PGM5: variants seen among roughly 807,000 people sequenced by gnomAD.
PGM5 encodes phosphoglucomutase 5.
Under a neutral mutation model 59.2 loss-of-function variants are expected in PGM5, and 23 were observed. The ratio of observed to expected loss-of-function variants is 0.39; its 90% confidence interval spans 0.28 to 0.55. PGM5 has a LOEUF of 0.55. Ranked by LOEUF, PGM5 falls within the 20% of genes least tolerant of loss-of-function variation. The pLI is 0.66. For synonymous variants in PGM5, 214 were observed against 286.0 expected (o/e 0.75, Z 2.54); for missense variants, 574 against 748.3 (o/e 0.77, Z 2.72).
intron 1 of PGM5, among the ~76,000 whole-genome samples, chr9:68,373,922 A>G (rs1821806988): frequency 6.6e-6 from 1 of 152,154 alleles, no homozygotes; most frequent in Non-Finnish European, 1.5e-5. Context: ...TAGAGATGAT[A>G]TGTTTGTTTT....
At chr9:68,523,619 A>G (rs1236586701) in intron 10 of PGM5, among the ~76,000 whole-genome samples, 1 of 152,212 alleles carries the variant, frequency 6.6e-6, no homozygotes, top group African/African-American at 2.4e-5. Flanking sequence ...ATAAATCTCT[A>G]TTTTATGGAT....
At chr9:68,436,296 C>G (rs1428151616) in intron 6 of PGM5, among the ~76,000 whole-genome samples, 2 of 152,100 alleles carry the variant, frequency 1.3e-5, no homozygotes, top group Non-Finnish European at 2.9e-5. Flanking sequence ...TTTAATAATC[C>G]TGAACCTAGT....
chr9:68,510,693 T>G (rs186107454), intron 10 of PGM5, among the ~76,000 whole-genome samples: 2 of 152,344 alleles, frequency 1.3e-5, no homozygotes, highest in Admixed American at 1.3e-4. Flanking sequence ...GGTCATGGCC[T>G]GTGACACAGC....
intron 6 of PGM5, among the ~76,000 whole-genome samples, chr9:68,445,193 T>A (rs1233854732): frequency 2.0e-5 from 3 of 152,000 alleles, no homozygotes; most frequent in African/African-American, 7.3e-5. Context: ...AAGAATCTTA[T>A]CAGGATTAGA....
chr9:68,383,330 TTTTA>T (rs1275537237), intron 2 of PGM5, among the ~76,000 whole-genome samples: 2 of 152,122 alleles, frequency 1.3e-5, no homozygotes, highest in Non-Finnish European at 2.9e-5. Context: ...TCACATTGTG[TTTTA>T]TTTAAACTAC....
At chr9:68,414,445 T>C (rs1822987005) in intron 6 of PGM5, among the ~76,000 whole-genome samples, 1 of 152,144 alleles carries the variant, frequency 6.6e-6, no homozygotes, top group Admixed American at 6.5e-5. Context: ...CTTTGTCATT[T>C]CATCTTCCTG....
At chr9:68,390,017 C>T (rs1368381688) in intron 4 of PGM5, among the ~76,000 whole-genome samples, 2 of 151,952 alleles carry the variant, frequency 1.3e-5, no homozygotes, top group African/African-American at 4.8e-5. Flanking sequence ...TTGTTTCCTC[C>T]AGGTTTCTCT....
At chr9:68,516,790 G>T (rs1224495687) in intron 10 of PGM5, among the ~76,000 whole-genome samples, 1 of 152,196 alleles carries the variant, frequency 6.6e-6, no homozygotes, top group African/African-American at 2.4e-5. Context: ...CAGCTCTAGT[G>T]TGCTCCTAGG....
At chr9:68,462,825 T>C (rs911565492) in intron 6 of PGM5, among the ~76,000 whole-genome samples, 1 of 152,152 alleles carries the variant, frequency 6.6e-6, no homozygotes, top group Non-Finnish European at 1.5e-5. Context: ...GTGTGACTTA[T>C]TCTCTCTTCC....
rs117174520 is a variant in PGM5, at chr9:68,426,007, G to A, written c.1043+33534G>A. ...GGTAGTGGTTGTTGATATTTGGTGT[G>A]TAAAACCTCTTTATGCTGCTTTAGC... On this transcript the variant is annotated intron_variant, in intron 6 of 10. Coordinates refer to ENST00000396396, the MANE Select transcript of PGM5 (RefSeq NM_021965.4). 8.5e-3 allele frequency among the ~76,000 whole-genome samples: 1,301 copies of A among 152,232 alleles called. 12 individuals are homozygous for A. Among genetic ancestry groups the A allele is most frequent in the Non-Finnish European group, 0.014 (935 of 67,994 alleles).
intron 10 of PGM5, among the ~76,000 whole-genome samples, chr9:68,510,120 T>C (rs1410721884): frequency 6.6e-6 from 1 of 151,036 alleles, no homozygotes; most frequent in Non-Finnish European, 1.5e-5. Flanking sequence ...TGGCCTCTGA[T>C]ACAAAGGTTG....
chr9:68,379,671 A>C (rs1282866474), intron 2 of PGM5, among the ~76,000 whole-genome samples: 2 of 152,150 alleles, frequency 1.3e-5, no homozygotes, highest in African/African-American at 4.8e-5. Context: ...GAGTGGATCA[A>C]CAACAAGATC....
intron 10 of PGM5, among the ~76,000 whole-genome samples, chr9:68,512,814 C>T (rs2132114171): frequency 6.6e-6 from 1 of 152,328 alleles, no homozygotes; most frequent in South Asian, 2.1e-4. Context: ...GTCTGTGTTA[C>T]AACTTCTCAA....
At chr9:68,438,286 CAAAAA>C (rs34047393) in intron 6 of PGM5, among the ~76,000 whole-genome samples, 1 of 34,830 alleles carries the variant, frequency 2.9e-5, no homozygotes, top group Non-Finnish European at 6.1e-5. Flanking sequence ...GAGACTCTGT[CAAAAA>C]AAAAAAAAAA....
intron 10 of PGM5, among the ~76,000 whole-genome samples, chr9:68,524,738 T>C (rs899533541): frequency 5.3e-5 from 8 of 152,158 alleles, no homozygotes; most frequent in African/African-American, 1.9e-4. Context: ...TCCCTGCTCC[T>C]CCCCATTCAG....
intron 1 of PGM5, among the ~76,000 whole-genome samples, chr9:68,371,969 G>A (rs1415755638): frequency 3.9e-5 from 6 of 152,212 alleles, no homozygotes; most frequent in South Asian, 2.1e-4. Context: ...AGAGCCTTTC[G>A]ATGAGGCAGA....
chr9:68,476,247 G>T (rs1344030237), intron 7 of PGM5, among the ~76,000 whole-genome samples: 1 of 152,174 alleles, frequency 6.6e-6, no homozygotes, highest in East Asian at 1.9e-4. Flanking sequence ...TTTGACCACA[G>T]TGAGGGTGAA....
intron 10 of PGM5, among the ~76,000 whole-genome samples, chr9:68,509,340 C>T (rs1824708088): frequency 6.6e-6 from 1 of 152,142 alleles, no homozygotes; most frequent in African/African-American, 2.4e-5. Flanking sequence ...ATTCTGGTAT[C>T]GTGTTTGTGT....
chr9:68,480,135 A>G (rs1824172762), intron 8 of PGM5, among the ~76,000 whole-genome samples: 1 of 152,220 alleles, frequency 6.6e-6, no homozygotes, highest in Admixed American at 6.5e-5. Flanking sequence ...TCTGAACTGC[A>G]GAGCTTTGAA....
Sources: gnomAD v4.1 joint callset for allele counts (sites outside exome capture counted in the v4.1 genomes callset) on GRCh38, gnomAD v4.1.1 for gene constraint, MANE v1.5 for transcripts, NCBI Gene and HGNC (gene_info 2026-07-23, HGNC 2026-07-21) for gene names.